OMD: variants seen among roughly 807,000 people sequenced by gnomAD.
The protein encoded by OMD is osteomodulin.
OMD carries 19 observed loss-of-function variants against 31.2 expected under a neutral mutation model. The ratio of observed to expected loss-of-function variants is 0.61; its 90% CI spans 0.42 to 0.89. The LOEUF (loss-of-function observed/expected upper bound fraction) is 0.89, where lower values mean the gene tolerates loss of function less well. Ranked by LOEUF, OMD falls within the 40% of genes least tolerant of loss-of-function variation. The probability of loss-of-function intolerance (pLI) is 0.00; values close to 1 mark genes in which losing one functional copy is unlikely to be tolerated. For missense variants in OMD, 448 were observed against 490.8 expected (o/e 0.91, Z 0.82); for synonymous variants, 155 against 166.4 (o/e 0.93, Z 0.53).
intron 1 of OMD, among the ~76,000 whole-genome samples, chr9:92,423,558 T>C (rs1186055328): frequency 1.9e-4 from 29 of 152,156 alleles, no homozygotes; most frequent in Admixed American, 1.9e-3. Context: ...TAAATTTTAA[T>C]TTTATAAAAT....
chr9:92,419,956 C>T (rs1244837432), intron 1 of OMD, among the ~76,000 whole-genome samples: 1 of 152,146 alleles, frequency 6.6e-6, no homozygotes, highest in East Asian at 1.9e-4. Context: ...AGAAACATCT[C>T]AATTTCTTCT....
intron 1 of OMD, among the ~76,000 whole-genome samples, chr9:92,423,033 G>A (rs1200502831): frequency 2.0e-5 from 3 of 152,032 alleles, no homozygotes; most frequent in Non-Finnish European, 4.4e-5. Flanking sequence ...AAGTTAATAA[G>A]TTATAGGTTA....
intron 1 of OMD, among the ~76,000 whole-genome samples, chr9:92,422,778 CCT>C (rs552795958): frequency 1.3e-5 from 2 of 152,174 alleles, no homozygotes; most frequent in African/African-American, 2.4e-5. Context: ...GATAATTTCC[CCT>C]GTTACAACAA....
In OMD at chr9:92,413,278, C is replaced by T. The variant is rs982895367; in HGVS notation, c.*1874G>A. Among the ~76,000 whole-genome samples, 2 of 152,030 alleles carry T rather than the reference C, an allele frequency of 1.3e-5. No homozygotes were observed. Among genetic ancestry groups the T allele is most frequent in the Admixed American group, 6.6e-5 (1 of 15,252 alleles). On this transcript the variant is annotated 3_prime_UTR_variant, in exon 3 of 3. Coordinates refer to ENST00000375550, the MANE Select transcript of OMD (RefSeq NM_005014.3). ...CTGGGATTACAGGTGTGAGCTAATG[C>T]GCCCGACTATATGTAACTAACTTTT...
chr9:92,416,122 C>T (rs1843605004), intron 2 of OMD, among the ~76,000 whole-genome samples: 1 of 137,718 alleles, frequency 7.3e-6, no homozygotes, highest in Non-Finnish European at 1.5e-5. Context: ...TTTTTTAAGA[C>T]AGAGTTTTGC....
Position 92,415,187 on chromosome 9 carries a change from G to T in OMD, c.1231C>A (p.His411Asn). Residue 411 changes from histidine to asparagine, a missense_variant, in exon 3 of 3, where the codon CAC becomes AAC. Transcript: ENST00000375550. ...TTTTCATAATAATGAAGGTCAAAGTGCCCTTCTGCTCCTTCTTGTTCTGGG... is the reference window on the plus strand; with the variant it reads ...TTTTCATAATAATGAAGGTCAAAGTTCCCTTCTGCTCCTTCTTGTTCTGGG... ...ESPEQEGAEG[H>N]FDLHYYENQE The T allele has an allele frequency of 6.2e-7, 1 of 1,611,658 alleles. No homozygotes were observed. The highest frequency in any genetic ancestry group is 8.5e-7 in the Non-Finnish European group (1 of 1,179,328).
At chr9:92,419,194 A>G (rs1843709777) in intron 1 of OMD, among the ~76,000 whole-genome samples, 1 of 151,856 alleles carries the variant, frequency 6.6e-6, no homozygotes, top group Non-Finnish European at 1.5e-5. Flanking sequence ...CCTATATTTC[A>G]TTTCTGTCAC....
In OMD at chr9:92,415,316, T is replaced by C. The variant is rs35709442; in HGVS notation, c.1102A>G (p.Thr368Ala). Residue 368 changes from threonine (T) to alanine (A), a missense_variant, in exon 3 of 3, where the codon ACT becomes GCT. Physicochemically the swap from Thr to Ala is moderately conservative, Grantham distance 58. Coordinates refer to ENST00000375550, the MANE Select transcript of OMD (RefSeq NM_005014.3). Reference protein sequence around the residue: ...HTIYYGEQRSTNGQTIQLKTQ... With the variant: ...HTIYYGEQRSANGQTIQLKTQ... Reference sequence around the variant, plus strand: ...TTTAGTTGTATTGTTTGACCATTAGTGCTTCGTTGTTCACCATAATAAATA... The same window carrying C: ...TTTAGTTGTATTGTTTGACCATTAGCGCTTCGTTGTTCACCATAATAAATA... 1,090 of 1,613,754 alleles carry C rather than the reference T, an allele frequency of 6.8e-4. 6 individuals are homozygous for C. In the Middle Eastern group the frequency reaches 0.013, roughly 20 times the overall value.
chr9:92,423,942 A>C (rs1379720591), intron 1 of OMD, among the ~76,000 whole-genome samples: 4 of 151,512 alleles, frequency 2.6e-5, no homozygotes, highest in Admixed American at 2.6e-4. Flanking sequence ...CTTTCCTTTC[A>C]TTCAAAGTAA....
In OMD at chr9:92,416,625, T is replaced by C; in HGVS notation, c.934A>G (p.Ile312Val). The change falls in exon 2 of 3, where the codon ATA becomes GTA. Residue 312 changes from isoleucine (I) to valine (V), a missense_variant. Transcript: ENST00000375550. ...ACAATAAAAGTCTACATACTTTCTA[T>C]TTCATTATTTTGTAGGTATAGGTGT... Reference protein sequence around the residue: ...LEHLYLQNNEIEKMNLTVMCP... With the variant: ...LEHLYLQNNEVEKMNLTVMCP... 6.5e-7 allele frequency: 1 copy of C among 1,529,016 alleles called. No individual in the cohort carries two copies. The allele number at this position is 1,529,016 out of a possible 1,614,324, so 94.7% of individuals were successfully genotyped here.
rs368634649 is a variant in OMD at position 92,416,072 on chromosome 9, T to TATATATATATATATATA, written c.940+546_940+547insTATATATATATATATAT. ...TATATATGTGTGTATATATATATAT[T>TATATATATATATATATA]TATTTATTTATTTATTTATTTATTT... On this transcript the variant is annotated intron_variant, in intron 2 of 2. Coordinates refer to ENST00000375550, the MANE Select transcript of OMD (RefSeq NM_005014.3). Among the ~76,000 whole-genome samples, 337 of 125,200 alleles carry TATATATATATATATATA rather than the reference T, an allele frequency of 2.7e-3. 4 individuals carry two copies. The highest frequency in any genetic ancestry group is 3.9e-3 in the Non-Finnish European group (237 of 60,168). The allele number at this position is 125,200 out of a possible 152,430, so 82.1% of individuals were successfully genotyped here. A position where few individuals can be genotyped will look rare whatever the true frequency, so the allele number is the denominator to read the frequency against.
At chr9:92,421,094 G>C (rs1291449940) in intron 1 of OMD, among the ~76,000 whole-genome samples, 1 of 152,146 alleles carries the variant, frequency 6.6e-6, no homozygotes, top group African/African-American at 2.4e-5. Flanking sequence ...ACCCAGGCTG[G>C]AGCGCAGTGG....
Position 92,417,437 on chromosome 9 carries a change from G to A in OMD, c.122C>T (p.Thr41Ile). The change falls in exon 2 of 3, where the codon ACA becomes ATA. Residue 41 changes from threonine to isoleucine, a missense_variant. By Grantham distance (89) the Thr-to-Ile change is moderately conservative. Transcript: ENST00000375550. Reference protein sequence around the residue: ...YDQEPDDDYQTGFPFRQNVDY... With the variant: ...YDQEPDDDYQIGFPFRQNVDY... ...TACATTTTGACGAAATGGGAATCCT[G>A]TTTGGTAATCATCATCTGGCTCTTG... The A allele has an allele frequency of 6.2e-7, 1 of 1,613,992 alleles. No individual in the cohort carries two copies. The highest frequency in any genetic ancestry group is 1.1e-5 in the South Asian group (1 of 91,082).
At chr9:92,420,361 C>T (rs1307669658) in intron 1 of OMD, among the ~76,000 whole-genome samples, 1 of 152,158 alleles carries the variant, frequency 6.6e-6, no homozygotes, top group Non-Finnish European at 1.5e-5. Context: ...TGCACATGCC[C>T]TAAACTTTCT....
In OMD at chr9:92,415,470, A is replaced by T. The variant is rs111485402; in HGVS notation, c.948T>A (p.Asn316Lys). ...YLQNNEIEKM[N>K]LTVMCPSIDP... Reference sequence around the variant, plus strand: ...CAATAGAAGGACACATCACTGTAAGATTCATCTCTGAAAGAAATAAATTAA... The same window carrying T: ...CAATAGAAGGACACATCACTGTAAGTTTCATCTCTGAAAGAAATAAATTAA... The change falls in exon 3 of 3, where the codon AAT (asparagine) becomes AAA (lysine). Residue 316 changes from asparagine (N) to lysine (K), a missense_variant. Physicochemically the swap from Asn to Lys is moderately conservative, Grantham distance 94 (BLOSUM62 0). Coordinates refer to ENST00000375550, the MANE Select transcript of OMD (RefSeq NM_005014.3). The T allele has an allele frequency of 5.1e-6, 8 of 1,571,228 alleles. No homozygotes were observed. In the African/African-American group the frequency reaches 5.5e-5, roughly 11 times the overall value.
At chr9:92,418,993 A>T (rs1041411209) in intron 1 of OMD, among the ~76,000 whole-genome samples, 1 of 152,190 alleles carries the variant, frequency 6.6e-6, no homozygotes, top group Non-Finnish European at 1.5e-5. Context: ...AAATATTATT[A>T]AAAACACACT....
chr9:92,415,199 C>T lies in OMD; in HGVS notation c.1219G>A (p.Gly407Arg). ...DNAHESPEQE[G>R]AEGHFDLHYY... ...TGAAGGTCAAAGTGCCCTTCTGCTC[C>T]TTCTTGTTCTGGGCTCTCATGAGCA... The change falls in exon 3 of 3, where the codon GGA (glycine) becomes AGA (arginine). Residue 407 changes from glycine to arginine, a missense_variant. Physicochemically the swap from Gly to Arg is moderately radical, Grantham distance 125. Transcript: ENST00000375550. The T allele has an allele frequency of 6.2e-7, 1 of 1,613,240 alleles. No homozygotes were observed. The highest frequency in any genetic ancestry group is 1.3e-5 in the African/African-American group (1 of 74,978).
chr9:92,416,072 T>TATATATATATATATA lies in OMD; in HGVS notation c.940+546_940+547insTATATATATATATAT, dbSNP rs368634649. Among the ~76,000 whole-genome samples, 947 of 124,918 alleles carry TATATATATATATATA rather than the reference T, an allele frequency of 7.6e-3. 11 individuals are homozygous for TATATATATATATATA. The highest frequency in any genetic ancestry group is 0.013 in the Non-Finnish European group (762 of 59,942). The allele number at this position is 124,918 out of a possible 152,430, so 82.0% of individuals were successfully genotyped here. ...TATATATGTGTGTATATATATATAT[T>TATATATATATATATA]TATTTATTTATTTATTTATTTATTT... On this transcript the variant is annotated intron_variant, in intron 2 of 2. Coordinates refer to ENST00000375550, the MANE Select transcript of OMD (RefSeq NM_005014.3).
chr9:92,415,133 A>G lies in OMD; in HGVS notation c.*19T>C, dbSNP rs2130954737. 1.3e-6 allele frequency: 2 copies of G among 1,572,078 alleles called. No homozygotes were observed. The highest frequency in any genetic ancestry group is 1.7e-4 in the Middle Eastern group (1 of 5,822). On this transcript the variant is annotated 3_prime_UTR_variant, in exon 3 of 3. Transcript: ENST00000375550. The stretch of plus-strand genomic sequence containing the variant: ...ATAGGTTTTGTGAAGTCGTAAGTGT[A>G]TACCTATATAGTTTCTTGCTATTCT...
Sources: gnomAD v4.1 joint callset for allele counts (sites outside exome capture counted in the v4.1 genomes callset) on GRCh38, gnomAD v4.1.1 for gene constraint, MANE v1.5 for transcripts, NCBI Gene and HGNC (gene_info 2026-07-23, HGNC 2026-07-21) for gene names.